Variants in LNP1 observed in about 807,000 individuals in gnomAD.
LNP1 encodes leukemia NUP98 fusion partner 1.
In LNP1, 12 loss-of-function variants were observed where a neutral mutation model predicts 14.5. The observed-to-expected ratio is 0.83, with a 90% CI of 0.53 to 1.34. The LOEUF is 1.34. Ranked by LOEUF, LNP1 falls within the 40% of genes most tolerant of loss-of-function variation. The probability of loss-of-function intolerance (pLI) is 0.00; values close to 1 mark genes in which losing one functional copy is unlikely to be tolerated. For missense variants in LNP1, 198 were observed against 210.9 expected, an observed-to-expected ratio of 0.94 and a Z score of 0.38; for synonymous variants, 75 against 71.4, an observed-to-expected ratio of 1.05 and a Z score of -0.26.
chr3:100,413,652 A>G (rs1220148604), intron 1 of LNP1, among the ~76,000 whole-genome samples: 2 of 152,196 alleles, frequency 1.3e-5, no homozygotes, highest in East Asian at 3.8e-4. Context: ...TATTACATAC[A>G]GATTATGCTC....
intron 1 of LNP1, among the ~76,000 whole-genome samples, chr3:100,427,490 G>A (rs1707205329): frequency 1.3e-5 from 2 of 152,122 alleles, no homozygotes; most frequent in South Asian, 4.1e-4. Context: ...TCATACTATA[G>A]ATGGCTAGGT....
At chr3:100,444,907 A>G (rs1335689259) in intron 2 of LNP1, among the ~76,000 whole-genome samples, 1 of 152,178 alleles carries the variant, frequency 6.6e-6, no homozygotes, top group East Asian at 1.9e-4. Flanking sequence ...CTTCAAGAAA[A>G]CCATGTTGAT....
intron 2 of LNP1, among the ~76,000 whole-genome samples, chr3:100,434,995 G>A (rs1311580702): frequency 6.6e-6 from 1 of 152,132 alleles, no homozygotes; most frequent in Admixed American, 6.5e-5. Flanking sequence ...TACAGGGCAG[G>A]TGGGGCATGG....
intron 1 of LNP1, among the ~76,000 whole-genome samples, chr3:100,424,886 T>C (rs539711368): frequency 6.6e-6 from 1 of 152,338 alleles, no homozygotes; most frequent in African/African-American, 2.4e-5. Flanking sequence ...AACCTGAGTA[T>C]TGACTTTACT....
At chr3:100,450,790 G>A (rs1052610798) in intron 2 of LNP1, among the ~76,000 whole-genome samples, 10 of 152,188 alleles carry the variant, frequency 6.6e-5, no homozygotes, top group African/African-American at 2.4e-4. Context: ...CCTGTTGGAA[G>A]TGAGCTCAAA....
At chr3:100,411,845 G>C (rs1207790671) in intron 1 of LNP1, among the ~76,000 whole-genome samples, 2 of 152,092 alleles carry the variant, frequency 1.3e-5, no homozygotes, top group African/African-American at 4.8e-5. Flanking sequence ...CCATCGCATT[G>C]GGGGTTAGGG....
chr3:100,410,528 G>A (rs943082761), intron 1 of LNP1, among the ~76,000 whole-genome samples: 2 of 152,160 alleles, frequency 1.3e-5, no homozygotes, highest in East Asian at 3.9e-4. Flanking sequence ...TACCCCTTGG[G>A]TCCTCCTTGC....
At chr3:100,414,591 T>C (rs1397685270) in intron 1 of LNP1, among the ~76,000 whole-genome samples, 1 of 151,418 alleles carries the variant, frequency 6.6e-6, no homozygotes, top group African/African-American at 2.4e-5. Flanking sequence ...ATCCTGCGTA[T>C]ACCTGATCTA....
chr3:100,452,741 G>A (rs535145818), intron 3 of LNP1, among the ~76,000 whole-genome samples: 1 of 152,282 alleles, frequency 6.6e-6, no homozygotes, highest in Admixed American at 6.5e-5. Context: ...GGTGCTCATG[G>A]TGACGTCATG....
chr3:100,438,429 C>T (rs904426951), intron 2 of LNP1, among the ~76,000 whole-genome samples: 3 of 152,080 alleles, frequency 2.0e-5, no homozygotes, highest in East Asian at 1.9e-4. Flanking sequence ...CTGACTAGAG[C>T]GGTATATTTG....
intron 1 of LNP1, among the ~76,000 whole-genome samples, chr3:100,420,583 C>T (rs1482884282): frequency 1.3e-5 from 2 of 152,114 alleles, no homozygotes; most frequent in African/African-American, 2.4e-5. Flanking sequence ...TCCCAAAGTG[C>T]TGGGATTACA....
chr3:100,453,504 C>T (rs1427934902), intron 3 of LNP1, among the ~76,000 whole-genome samples: 1 of 149,690 alleles, frequency 6.7e-6, no homozygotes, highest in African/African-American at 2.5e-5. Flanking sequence ...GTGGGAGGAT[C>T]TCTTGTGCTC....
intron 1 of LNP1, among the ~76,000 whole-genome samples, chr3:100,414,449 A>G (rs150297837): frequency 0.011 from 1,684 of 152,106 alleles, 25 homozygotes; most frequent in African/African-American, 0.039. Flanking sequence ...TGGGAGACCG[A>G]GGCAGGAGAA....
chr3:100,408,354 A>G (rs1270122168), intron 1 of LNP1, among the ~76,000 whole-genome samples: 1 of 152,182 alleles, frequency 6.6e-6, no homozygotes, highest in South Asian at 2.1e-4. Flanking sequence ...TGTGACCAGC[A>G]CAGTGCCACG....
chr3:100,445,938 T>G (rs1055910202), intron 2 of LNP1, among the ~76,000 whole-genome samples: 4 of 152,086 alleles, frequency 2.6e-5, no homozygotes, highest in East Asian at 3.9e-4. Flanking sequence ...CACTGCTCAA[T>G]GAAATAAAAG....
At chr3:100,419,572 A>T (rs2148901141) in intron 1 of LNP1, among the ~76,000 whole-genome samples, 1 of 152,258 alleles carries the variant, frequency 6.6e-6, no homozygotes, top group African/African-American at 2.4e-5. Flanking sequence ...TCACAATCAA[A>T]GTACAGAACT....
intron 2 of LNP1, among the ~76,000 whole-genome samples, chr3:100,430,537 A>G (rs1373960503): frequency 4.6e-5 from 7 of 152,182 alleles, no homozygotes; most frequent in African/African-American, 1.2e-4. Flanking sequence ...ACAGGCGGCT[A>G]TTCTCTCTGC....
chr3:100,441,023 G>A (rs987647490), intron 2 of LNP1, among the ~76,000 whole-genome samples: 3 of 152,152 alleles, frequency 2.0e-5, no homozygotes, highest in Non-Finnish European at 4.4e-5. Flanking sequence ...CACAGGAGCA[G>A]GTGAGCTCGA....
chr3:100,428,527 A>G (rs1707215136), intron 1 of LNP1, among the ~76,000 whole-genome samples: 1 of 150,064 alleles, frequency 6.7e-6, no homozygotes, highest in Non-Finnish European at 1.5e-5. Flanking sequence ...ACGAGACTCC[A>G]TCTCAAAAAA....
Sources: allele counts gnomAD v4.1 joint callset (sites outside exome capture counted in the v4.1 genomes callset), GRCh38; gene constraint gnomAD v4.1.1; transcripts MANE v1.5; gene names NCBI Gene and HGNC (gene_info 2026-07-23, HGNC 2026-07-21).